Variants in COG5 observed in about 807,000 individuals in gnomAD.
COG5 encodes the protein component of oligomeric golgi complex 5.
COG5 carries 86 observed loss-of-function variants against 110.4 expected under a neutral mutation model. The ratio of observed to expected loss-of-function variants is 0.78; its 90% CI spans 0.65 to 0.93. COG5 has a LOEUF of 0.93. COG5 is among the 40% of genes least tolerant of loss of function. The pLI, the probability that COG5 is intolerant of heterozygous loss-of-function variation, is 0.00. For synonymous variants in COG5, 360 were observed against 334.6 expected (o/e 1.08, Z -0.83); for missense variants, 1,077 against 987.0 (o/e 1.09, Z -1.22).
intron 6 of COG5, among the ~76,000 whole-genome samples, chr7:107,455,680 A>T (rs1795620355): frequency 6.6e-6 from 1 of 152,072 alleles, no homozygotes; most frequent in Admixed American, 6.6e-5. Context: ...ATGACTAGAG[A>T]TCATAGGGCA....
chr7:107,389,052 G>C (rs1790428436), intron 7 of COG5, among the ~76,000 whole-genome samples: 1 of 152,186 alleles, frequency 6.6e-6, no homozygotes, highest in South Asian at 2.1e-4. Context: ...ATAGGGTATT[G>C]ATCCTTTATA....
chr7:107,204,862 C>T (rs1798642655), intron 21 of COG5, among the ~76,000 whole-genome samples: 1 of 152,214 alleles, frequency 6.6e-6, no homozygotes, highest in African/African-American at 2.4e-5. Context: ...TCCAGGTAGC[C>T]TCAAACTCAT....
At position 107,386,663 on chromosome 7, in the gene COG5, C is replaced by T. The variant is rs151147422; in HGVS notation, c.670-13903G>A. 9.8e-4 allele frequency among the ~76,000 whole-genome samples: 149 copies of T among 152,168 alleles called. 4 individuals carry two copies. The South Asian group carries it at 0.021, about 21-fold the overall frequency. On this transcript the variant is annotated intron_variant, in intron 7 of 21. Transcript: ENST00000297135. ...AAACAGCTGCTTGAAGCTAGTGGAA[C>T]CTCGGTTTCACAGGCACAATTAAGG...
rs1798388266 is a variant in COG5 at position 107,202,287 on chromosome 7, ACT to A, written c.*1227_*1228del. On this transcript the variant is annotated 3_prime_UTR_variant, in exon 22 of 22. Transcript: ENST00000297135. ...GCACTTACTGCAGTGCAACACTTGC[ACT>A]TTAATTTTCCTCCAACTGTCTAAAA... The A allele has an allele frequency of 2.0e-5, 3 of 152,668 alleles. No individual in the cohort carries two copies. Among genetic ancestry groups the A allele is most frequent in the Non-Finnish European group, 4.4e-5 (3 of 68,040 alleles). 9.5% of individuals were successfully genotyped at this position (152,668 alleles called of 1,614,324 possible).
chr7:107,221,087 A>C lies in COG5; in HGVS notation c.2168+9528T>G, dbSNP rs187447408. 3.5e-3 allele frequency among the ~76,000 whole-genome samples: 530 copies of C among 151,912 alleles called. 5 individuals are homozygous for C. Among genetic ancestry groups the C allele is most frequent in the African/African-American group, 0.012 (515 of 41,448 alleles). On this transcript the variant is annotated intron_variant, in intron 19 of 21. Coordinates refer to ENST00000297135, the MANE Select transcript of COG5 (RefSeq NM_006348.5). Reference sequence around the variant, plus strand: ...GTGCCTTGGCCTCCCAAAGTGCTGGAATTACAGGCATGAGCCACTGCACCT... The same window carrying C: ...GTGCCTTGGCCTCCCAAAGTGCTGGCATTACAGGCATGAGCCACTGCACCT...
intron 17 of COG5, among the ~76,000 whole-genome samples, chr7:107,241,406 A>ATG (rs1801612846): frequency 6.7e-6 from 1 of 148,316 alleles, no homozygotes; most frequent in African/African-American, 2.5e-5. Context: ...ATATATATAT[A>ATG]TATCTATATC....
At chr7:107,243,237 G>A (rs867765273) in intron 17 of COG5, among the ~76,000 whole-genome samples, 6 of 152,304 alleles carry the variant, frequency 3.9e-5, no homozygotes, top group Non-Finnish European at 5.9e-5. Context: ...GTCTCGGCCT[G>A]GGGCGGTGGC....
intron 7 of COG5, among the ~76,000 whole-genome samples, chr7:107,387,414 A>C (rs999227410): frequency 6.6e-6 from 1 of 152,238 alleles, no homozygotes; most frequent in Non-Finnish European, 1.5e-5. Flanking sequence ...CCTGGGGCCC[A>C]CCTGCTCAGC....
intron 16 of COG5, among the ~76,000 whole-genome samples, chr7:107,250,006 T>C (rs534727090): frequency 8.5e-5 from 13 of 152,208 alleles, no homozygotes; most frequent in Admixed American, 8.5e-4. Flanking sequence ...GTACTTTGTA[T>C]AGGTTACTAA....
intron 6 of COG5, among the ~76,000 whole-genome samples, chr7:107,483,090 T>C (rs1797444104): frequency 6.6e-6 from 1 of 152,190 alleles, no homozygotes; most frequent in Non-Finnish European, 1.5e-5. Context: ...TTATTTACTT[T>C]GTACCATTAA....
chr7:107,363,574 CAG>C (rs1379038835), intron 8 of COG5, among the ~76,000 whole-genome samples: 1 of 151,566 alleles, frequency 6.6e-6, no homozygotes, highest in Non-Finnish European at 1.5e-5. Flanking sequence ...GAAAGAATGA[CAG>C]AATTAGAAAA....
At chr7:107,443,803 T>C (rs1794858417) in intron 6 of COG5, among the ~76,000 whole-genome samples, 1 of 152,178 alleles carries the variant, frequency 6.6e-6, no homozygotes, top group Non-Finnish European at 1.5e-5. Context: ...TTCCTATCCA[T>C]TCCACTCACA....
intron 1 of COG5, among the ~76,000 whole-genome samples, chr7:107,558,813 G>A (rs1296816400): frequency 1.1e-4 from 16 of 150,014 alleles, no homozygotes; most frequent in South Asian, 1.1e-3. Context: ...GCGTGAACCC[G>A]GGAGGCGGAG....
At chr7:107,362,224 A>T (rs896123630) in intron 9 of COG5, 84 bp downstream of exon 9, 1 of 1,388,756 alleles carries the variant, frequency 7.2e-7, no homozygotes, top group African/African-American at 1.4e-5. Flanking sequence ...CTCATTGATT[A>T]AAAAACCTGC....
chr7:107,283,522 C>A (rs776520536), intron 13 of COG5, 49 bp downstream of exon 13: 64 of 1,498,598 alleles, frequency 4.3e-5, no homozygotes, highest in Non-Finnish European at 5.9e-5. Flanking sequence ...ATATCACTAA[C>A]AAATATGGCA....
intron 12 of COG5, among the ~76,000 whole-genome samples, chr7:107,295,082 TATATATATATATATATATA>T (rs2116894317): frequency 4.7e-5 from 3 of 64,000 alleles, no homozygotes; most frequent in Admixed American, 1.8e-4. Context: ...TATATATATA[TATATATATATATATATATA>T]TTTTTTTTTT....
chr7:107,400,342 C>T (rs529198261), intron 7 of COG5, among the ~76,000 whole-genome samples: 2 of 152,112 alleles, frequency 1.3e-5, no homozygotes, highest in East Asian at 3.9e-4. Context: ...CATGGAAATG[C>T]AAATTAATCT....
chr7:107,316,073 C>T (rs1218832903), intron 11 of COG5, among the ~76,000 whole-genome samples: 2 of 152,078 alleles, frequency 1.3e-5, no homozygotes, highest in Non-Finnish European at 2.9e-5. Context: ...CCAGATTACA[C>T]CTAGTTGAGA....
chr7:107,297,306 A>C (rs904512769), intron 12 of COG5, among the ~76,000 whole-genome samples: 2 of 152,136 alleles, frequency 1.3e-5, no homozygotes, highest in African/African-American at 2.4e-5. Context: ...ACATTGTATT[A>C]GGTATTATAG....
Sources: allele counts gnomAD v4.1 joint callset (sites outside exome capture counted in the v4.1 genomes callset), GRCh38; gene constraint gnomAD v4.1.1; transcripts MANE v1.5; gene names NCBI Gene and HGNC (gene_info 2026-07-23, HGNC 2026-07-21).